RIT2: variants seen among roughly 807,000 people sequenced by gnomAD.
RIT2 encodes GTP-binding protein Rit2.
In RIT2, 24 loss-of-function variants were observed where a neutral mutation model predicts 23.7. That is an observed-to-expected ratio of 1.01 (90% confidence interval 0.73 to 1.43). The LOEUF (loss-of-function observed/expected upper bound fraction) is 1.43. Among genes scored for constraint, RIT2 ranks in the 40% most tolerant of loss-of-function variants. The pLI, the probability that RIT2 is intolerant of heterozygous loss-of-function variation, is 0.00. For synonymous variants in RIT2, 107 were observed against 91.1 expected (o/e 1.17, Z -0.99); for missense variants, 236 against 266.9 (o/e 0.88, Z 0.81).
chr18:43,051,070 C>G (rs533502225), intron 1 of RIT2, among the ~76,000 whole-genome samples: 5 of 152,146 alleles, frequency 3.3e-5, no homozygotes, highest in African/African-American at 1.2e-4. Flanking sequence ...CAACTAGTGT[C>G]TGGCATGAAG....
At chr18:42,847,456 A>G (rs1018344467) in intron 4 of RIT2, among the ~76,000 whole-genome samples, 2 of 150,612 alleles carry the variant, frequency 1.3e-5, no homozygotes, top group Non-Finnish European at 3.0e-5. Context: ...CATTTTATTT[A>G]AAAAAAAATA....
intron 1 of RIT2, among the ~76,000 whole-genome samples, chr18:43,087,800 T>A (rs368506901): frequency 5.1e-4 from 78 of 152,302 alleles, no homozygotes; most frequent in Middle Eastern, 3.4e-3. Flanking sequence ...AGTTGCTCGG[T>A]GGTCCTTGGT....
chr18:42,932,663 T>A (rs536960243), intron 3 of RIT2, among the ~76,000 whole-genome samples: 21 of 152,262 alleles, frequency 1.4e-4, no homozygotes, highest in Non-Finnish European at 2.8e-4. Flanking sequence ...TTATCAAATT[T>A]TTTTTTTGCA....
chr18:43,112,682 T>C (rs935502516), intron 1 of RIT2, among the ~76,000 whole-genome samples: 1 of 152,138 alleles, frequency 6.6e-6, no homozygotes, highest in African/African-American at 2.4e-5. Context: ...GGCAGGAGCA[T>C]TGCTTGAGGC....
intron 3 of RIT2, among the ~76,000 whole-genome samples, chr18:42,935,703 T>A (rs1240934102): frequency 1.3e-5 from 2 of 152,038 alleles, no homozygotes; most frequent in Non-Finnish European, 2.9e-5. Context: ...GAACAAAGAA[T>A]TGAACAAAGT....
chr18:43,058,032 A>G (rs768054725), intron 1 of RIT2, among the ~76,000 whole-genome samples: 1 of 152,108 alleles, frequency 6.6e-6, no homozygotes, highest in Non-Finnish European at 1.5e-5. Context: ...TTGGCATAGC[A>G]TCTGGTAAAT....
intron 4 of RIT2, among the ~76,000 whole-genome samples, chr18:42,766,661 A>G (rs1424485263): frequency 1.3e-5 from 2 of 152,092 alleles, no homozygotes; most frequent in African/African-American, 4.8e-5. Context: ...CTAATGTTAA[A>G]CCCCAAAACC....
rs549885072 is a variant in RIT2 at position 42,784,578 on chromosome 18, A to G, written c.427-40858T>C. Among the ~76,000 whole-genome samples, 40 of 152,242 alleles carry G rather than the reference A, an allele frequency of 2.6e-4. No individual in the cohort carries two copies. In the South Asian group the frequency reaches 7.7e-3, roughly 29 times the overall value. On this transcript the variant is annotated intron_variant, in intron 4 of 4. Transcript: ENST00000326695. Reference sequence around the variant, plus strand: ...AAGACATTTCTGCTAGTAAAATATTAGAATTACTATTAGTCCACCAAATCA... The same window carrying G: ...AAGACATTTCTGCTAGTAAAATATTGGAATTACTATTAGTCCACCAAATCA...
chr18:43,005,668 T>A lies in RIT2; in HGVS notation c.160+28143A>T, dbSNP rs570899508. On this transcript the variant is annotated intron_variant, in intron 2 of 4. Coordinates refer to ENST00000326695, the MANE Select transcript of RIT2 (RefSeq NM_002930.4). ...TCTCTCCCTCAATTTCCTCATTTTT[T>A]AAAAAAAATGCCCCCTAAGGCAAAA... 4.9e-3 allele frequency among the ~76,000 whole-genome samples: 743 copies of A among 151,640 alleles called. 3 individuals are homozygous for A. Among genetic ancestry groups the A allele is most frequent in the Non-Finnish European group, 7.0e-3 (471 of 67,728 alleles).
At chr18:42,846,811 G>C (rs1206489604) in intron 4 of RIT2, among the ~76,000 whole-genome samples, 2 of 152,058 alleles carry the variant, frequency 1.3e-5, no homozygotes, top group African/African-American at 4.8e-5. Context: ...AAAAATTCCA[G>C]AGCAAACATC....
chr18:42,752,466 G>T (rs1297712577), intron 4 of RIT2, among the ~76,000 whole-genome samples: 2 of 152,060 alleles, frequency 1.3e-5, no homozygotes, highest in African/African-American at 4.8e-5. Flanking sequence ...GCTCAGAAAG[G>T]TTAAGCAGTG....
intron 4 of RIT2, among the ~76,000 whole-genome samples, chr18:42,813,706 A>G (rs959788485): frequency 1.3e-5 from 2 of 152,200 alleles, no homozygotes; most frequent in African/African-American, 4.8e-5. Context: ...TAAAAGTCAA[A>G]GTAGTGGGGA....
chr18:42,779,816 T>C (rs1913763782), intron 4 of RIT2, among the ~76,000 whole-genome samples: 1 of 152,098 alleles, frequency 6.6e-6, no homozygotes, highest in African/African-American at 2.4e-5. Flanking sequence ...AAAGGTAATA[T>C]TGTTCAAAGA....
chr18:43,005,436 T>C (rs1378876315), intron 2 of RIT2, among the ~76,000 whole-genome samples: 7 of 151,844 alleles, frequency 4.6e-5, no homozygotes, highest in Admixed American at 4.6e-4. Flanking sequence ...TGGAAACTAA[T>C]GTGTTTGACT....
At chr18:43,109,580 A>T (rs1913905641) in intron 1 of RIT2, among the ~76,000 whole-genome samples, 3 of 152,168 alleles carry the variant, frequency 2.0e-5, no homozygotes, top group Admixed American at 2.0e-4. Flanking sequence ...TTTAAATACC[A>T]TCTATGCTGT....
intron 1 of RIT2, among the ~76,000 whole-genome samples, chr18:43,056,121 A>G (rs1184762532): frequency 1.3e-5 from 2 of 152,076 alleles, no homozygotes; most frequent in African/African-American, 4.8e-5. Flanking sequence ...ATATCCCTAG[A>G]CCTGCTCATA....
intron 2 of RIT2, among the ~76,000 whole-genome samples, chr18:43,017,688 CAATT>C (rs1330654653): frequency 6.6e-6 from 1 of 152,002 alleles, no homozygotes; most frequent in East Asian, 1.9e-4. Context: ...TTTATTATCT[CAATT>C]AACCCTCACA....
At chr18:43,034,104 C>T (rs1325225178) in intron 1 of RIT2, among the ~76,000 whole-genome samples, 1 of 151,986 alleles carries the variant, frequency 6.6e-6, no homozygotes, top group Non-Finnish European at 1.5e-5. Context: ...AAGTGTATTT[C>T]AATAAAAATG....
At chr18:42,915,516 C>G (rs1165786987) in intron 4 of RIT2, among the ~76,000 whole-genome samples, 1 of 152,116 alleles carries the variant, frequency 6.6e-6, no homozygotes, top group East Asian at 1.9e-4. Context: ...TTTCCCGAAG[C>G]CTTTTCTGGC....
Sources: allele counts gnomAD v4.1 joint callset (sites outside exome capture counted in the v4.1 genomes callset), GRCh38; gene constraint gnomAD v4.1.1; transcripts MANE v1.5; gene names NCBI Gene and HGNC (gene_info 2026-07-23, HGNC 2026-07-21).